Variants in ST6GAL2 observed in about 807,000 individuals in gnomAD.
ST6GAL2 encodes ST6 beta-galactoside alpha-2,6-sialyltransferase 2, also known as beta-galactoside alpha-2,6-sialyltransferase 2.
ST6GAL2 carries 24 observed loss-of-function variants against 37.5 expected under a neutral mutation model. That is an observed-to-expected ratio of 0.64 (90% CI 0.46 to 0.90). The LOEUF (loss-of-function observed/expected upper bound fraction) is 0.90, where lower values mean the gene tolerates loss of function less well. Among genes scored for constraint, ST6GAL2 ranks in the 40% least tolerant of loss-of-function variants. The pLI, the probability that ST6GAL2 is intolerant of heterozygous loss-of-function variation, is 0.00. For missense variants in ST6GAL2, 715 were observed against 712.7 expected, an observed-to-expected ratio of 1.00 and a Z score of -0.04; for synonymous variants, 306 against 295.1, an observed-to-expected ratio of 1.04 and a Z score of -0.38.
rs571951296 is a variant in ST6GAL2 at position 106,807,663 on chromosome 2, G to A, written c.1319-714C>T. Among the ~76,000 whole-genome samples, 226 of 132,126 alleles carry A rather than the reference G, an allele frequency of 1.7e-3. 2 individuals carry two copies. The Middle Eastern group carries it at 0.037, about 21-fold the overall frequency. The allele number at this position is 132,126 out of a possible 152,430, so 86.7% of individuals were successfully genotyped here. The stretch of plus-strand genomic sequence containing the variant: ...TTTTTTTTTGAGACGGAGTCTCACT[G>A]TGTTGCTCAAGCTGGAGTGCAGTGG... On this transcript the variant is annotated intron_variant, in intron 5 of 5. Coordinates refer to ENST00000409382, the MANE Select transcript of ST6GAL2 (RefSeq NM_001142351.2).
intron 5 of ST6GAL2, 140 bp downstream of exon 5, chr2:106,829,926 T>C (rs201107310): frequency 1.2e-6 from 1 of 816,746 alleles, no homozygotes; most frequent in Non-Finnish European, 1.9e-6. Context: ...AAAAAAAAAA[T>C]CCAAAATCAG....
At chr2:106,844,238 T>C (rs1432734317) in intron 1 of ST6GAL2, among the ~76,000 whole-genome samples, 1 of 143,304 alleles carries the variant, frequency 7.0e-6, no homozygotes, top group African/African-American at 2.5e-5. Context: ...CACCAACCTC[T>C]GCAAAACAAG....
intron 1 of ST6GAL2, among the ~76,000 whole-genome samples, chr2:106,853,198 C>T (rs1318943161): frequency 6.6e-6 from 1 of 152,226 alleles, no homozygotes; most frequent in Non-Finnish European, 1.5e-5. Flanking sequence ...ACATCCGTAT[C>T]TTTGTTTGCT....
chr2:106,836,338 T>C (rs1676636185), intron 2 of ST6GAL2, among the ~76,000 whole-genome samples: 1 of 152,166 alleles, frequency 6.6e-6, no homozygotes, highest in South Asian at 2.1e-4. Context: ...TAAAGAATCC[T>C]TCCAAAGAAC....
intron 1 of ST6GAL2, among the ~76,000 whole-genome samples, chr2:106,879,623 A>C (rs1157696386): frequency 6.6e-6 from 1 of 150,648 alleles, no homozygotes; most frequent in African/African-American, 2.4e-5. Context: ...CCAATTATAT[A>C]TATATCTATT....
intron 1 of ST6GAL2, among the ~76,000 whole-genome samples, chr2:106,873,508 T>C (rs1002362079): frequency 6.6e-6 from 1 of 152,244 alleles, no homozygotes. Context: ...GTTCTAATTG[T>C]AGGATTTGAC....
intron 5 of ST6GAL2, among the ~76,000 whole-genome samples, chr2:106,818,671 T>C (rs1028843857): frequency 1.1e-4 from 17 of 152,090 alleles, no homozygotes; most frequent in African/African-American, 4.1e-4. Flanking sequence ...AACACTTGAA[T>C]GCCCAGACAC....
intron 1 of ST6GAL2, among the ~76,000 whole-genome samples, chr2:106,872,290 C>A (rs1164885457): frequency 6.6e-6 from 1 of 152,210 alleles, no homozygotes. Context: ...TTCTTCTTTG[C>A]CTGGTGCATG....
chr2:106,882,713 C>A (rs1395191246), intron 1 of ST6GAL2, among the ~76,000 whole-genome samples: 1 of 152,148 alleles, frequency 6.6e-6, no homozygotes, highest in African/African-American at 2.4e-5. Context: ...GAAGCACTGG[C>A]CAATAGCTTT....
Position 106,817,494 on chromosome 2 carries a change from A to G in ST6GAL2, c.1319-10545T>C, listed in dbSNP as rs557983653. The stretch of plus-strand genomic sequence containing the variant: ...CCAGAAGGGAACCTGCTTCATGGAG[A>G]GAAGGACTCAGTCCTGGCAGGATCC... On this transcript the variant is annotated intron_variant, in intron 5 of 5. Coordinates refer to ENST00000409382, the MANE Select transcript of ST6GAL2 (RefSeq NM_001142351.2). 3.8e-4 allele frequency among the ~76,000 whole-genome samples: 58 copies of G among 152,310 alleles called. 1 individual carries two copies. The highest frequency in any genetic ancestry group is 1.3e-3 in the African/African-American group (52 of 41,558).
At position 106,884,932 on chromosome 2, in the gene ST6GAL2, TATAC is replaced by T. The variant is rs796461618; in HGVS notation, c.-58+1157_-58+1160del. 5.7e-3 allele frequency among the ~76,000 whole-genome samples: 662 copies of T among 115,392 alleles called. 14 individuals are homozygous for T. Among genetic ancestry groups the T allele is most frequent in the African/African-American group, 0.025 (582 of 22,860 alleles). The allele number at this position is 115,392 out of a possible 152,430, so 75.7% of individuals were successfully genotyped here. A position where few individuals can be genotyped will look rare whatever the true frequency, so the allele number is the denominator to read the frequency against. ...ATATATATATATATATATATATATA[TATAC>T]ATACACACACACACATATATACATA... On this transcript the variant is annotated intron_variant, in intron 1 of 5. Transcript: ENST00000409382.
At chr2:106,864,023 TC>T (rs1382741817) in intron 1 of ST6GAL2, among the ~76,000 whole-genome samples, 4 of 152,172 alleles carry the variant, frequency 2.6e-5, no homozygotes, top group African/African-American at 9.7e-5. Context: ...GTCAAAACTT[TC>T]CTTTGGATTG....
intron 2 of ST6GAL2, among the ~76,000 whole-genome samples, chr2:106,836,529 A>G (rs958736566): frequency 2.6e-5 from 4 of 152,050 alleles, no homozygotes; most frequent in African/African-American, 9.7e-5. Context: ...AATATTGTAC[A>G]ATGATCAGCT....
intron 5 of ST6GAL2, among the ~76,000 whole-genome samples, chr2:106,816,992 T>G (rs1009825687): frequency 2.0e-5 from 3 of 152,190 alleles, no homozygotes; most frequent in African/African-American, 7.2e-5. Flanking sequence ...CGGGCAGAAC[T>G]CAGCCAGAAC....
intron 5 of ST6GAL2, among the ~76,000 whole-genome samples, chr2:106,817,681 A>G (rs1324633687): frequency 6.6e-6 from 1 of 152,142 alleles, no homozygotes; most frequent in East Asian, 1.9e-4. Flanking sequence ...TCCCGCTTGA[A>G]AAAAGGAAAA....
chr2:106,855,115 C>T (rs1434577025), intron 1 of ST6GAL2, among the ~76,000 whole-genome samples: 1 of 152,236 alleles, frequency 6.6e-6, no homozygotes, highest in Admixed American at 6.5e-5. Context: ...CACATGATAC[C>T]TTGCCCCTGG....
At chr2:106,831,251 G>A (rs1175172293) in intron 4 of ST6GAL2, among the ~76,000 whole-genome samples, 3 of 152,182 alleles carry the variant, frequency 2.0e-5, no homozygotes, top group Admixed American at 1.3e-4. Context: ...AGGGAGAGTC[G>A]CTCCTTTACC....
At position 106,802,819 on chromosome 2, in the gene ST6GAL2, C is replaced by T. The variant is rs982163921; in HGVS notation, c.*3859G>A. On this transcript the variant is annotated 3_prime_UTR_variant, in exon 6 of 6. Transcript: ENST00000409382. ...GTCTTTCTGATAATTCCCCTGGTCC[C>T]ACCTCACTCCCTTTCTCTGTCTCTT... The T allele has an allele frequency of 6.6e-6, 1 of 152,246 alleles. No homozygotes were observed. Among genetic ancestry groups the T allele is most frequent in the Non-Finnish European group, 1.5e-5 (1 of 68,062 alleles). The allele number at this position is 152,246 out of a possible 1,614,324, so 9.4% of individuals were successfully genotyped here. A position where few individuals can be genotyped will look rare whatever the true frequency, so the allele number is the denominator to read the frequency against.
intron 5 of ST6GAL2, among the ~76,000 whole-genome samples, chr2:106,820,842 T>C (rs1579919): frequency 0.9 from 136,809 of 152,072 alleles, 61,636 homozygotes; most frequent in African/African-American, 0.95. Context: ...ATTAAAAAGA[T>C]GAATTTTGGA....
Sources: gnomAD v4.1 joint callset for allele counts (sites outside exome capture counted in the v4.1 genomes callset) on GRCh38, gnomAD v4.1.1 for gene constraint, MANE v1.5 for transcripts, NCBI Gene and HGNC (gene_info 2026-07-23, HGNC 2026-07-21) for gene names.